The following SH3PXD2B variants were observed in gnomAD, a reference collection of about 807,000 sequenced individuals.
SH3PXD2B encodes the protein SH3 and PX domains 2B, also known as SH3 and PX domain-containing protein 2B.
SH3PXD2B carries 37 observed loss-of-function variants against 73.1 expected under a neutral mutation model. The observed-to-expected ratio is 0.51, with a 90% CI of 0.39 to 0.67. The LOEUF is 0.67. SH3PXD2B is among the 30% of genes least tolerant of loss of function. The probability of loss-of-function intolerance (pLI) is 0.00; values close to 1 mark genes in which losing one functional copy is unlikely to be tolerated. For missense variants in SH3PXD2B, 1,053 were observed against 1,197.8 expected (o/e 0.88, Z 1.78); for synonymous variants, 457 against 480.5 (o/e 0.95, Z 0.64).
intron 6 of SH3PXD2B, among the ~76,000 whole-genome samples, chr5:172,365,611 A>C (rs1375373967): frequency 6.4e-5 from 3 of 46,540 alleles, no homozygotes; most frequent in Non-Finnish European, 1.1e-4. Context: ...GGCAGGGCCG[A>C]CTTTTTCTAG....
At chr5:172,325,816 T>G (rs1201575205) in intron 12 of SH3PXD2B, among the ~76,000 whole-genome samples, 2 of 152,206 alleles carry the variant, frequency 1.3e-5, no homozygotes, top group Non-Finnish European at 2.9e-5. Context: ...CGTTTCGCTG[T>G]TGTTGCCCAG....
At chr5:172,362,269 C>T (rs1322537504) in intron 7 of SH3PXD2B, among the ~76,000 whole-genome samples, 1 of 152,200 alleles carries the variant, frequency 6.6e-6, no homozygotes, top group African/African-American at 2.4e-5. Context: ...GTGTCTCAGT[C>T]ATACCACATT....
At chr5:172,392,773 A>G (rs1429674544) in intron 4 of SH3PXD2B, among the ~76,000 whole-genome samples, 1 of 152,250 alleles carries the variant, frequency 6.6e-6, no homozygotes, top group Non-Finnish European at 1.5e-5. Flanking sequence ...CAACAGGGCG[A>G]GACTCCATCT....
chr5:172,410,273 A>G (rs1277745893), intron 2 of SH3PXD2B, among the ~76,000 whole-genome samples: 1 of 152,206 alleles, frequency 6.6e-6, no homozygotes. Flanking sequence ...TGTGTGTAAG[A>G]GTTCCCTTTT....
Position 172,335,072 on chromosome 5 carries a change from G to A in SH3PXD2B, c.*3297C>T, listed in dbSNP as rs1447616207. 26 of 985,374 alleles carry A rather than the reference G, an allele frequency of 2.6e-5. No individual in the cohort carries two copies. Among genetic ancestry groups the A allele is most frequent in the South Asian group, 4.7e-5 (1 of 21,288 alleles). The allele number at this position is 985,374 out of a possible 1,614,324, so 61.0% of individuals were successfully genotyped here. A position where few individuals can be genotyped will look rare whatever the true frequency, so the allele number is the denominator to read the frequency against. On this transcript the variant is annotated 3_prime_UTR_variant, in exon 13 of 13. Transcript: ENST00000311601. ...GCTGGGACGACATACACCCACCAAT[G>A]GCAAAGAAAGATTCCGAGCAGAACA...
intron 1 of SH3PXD2B, among the ~76,000 whole-genome samples, chr5:172,427,079 A>C (rs1759110973): frequency 6.6e-6 from 1 of 152,234 alleles, no homozygotes; most frequent in Non-Finnish European, 1.5e-5. Flanking sequence ...AAGAGGCCAA[A>C]GATGGAAACA....
Position 172,421,175 on chromosome 5 carries a change from C to T in SH3PXD2B, c.156+1241G>A, listed in dbSNP as rs1758956517. Among the ~76,000 whole-genome samples, 1 of 152,128 alleles carries T rather than the reference C, an allele frequency of 6.6e-6. No individual in the cohort carries two copies. On this transcript the variant is annotated intron_variant, in intron 2 of 12. Coordinates refer to ENST00000311601, the MANE Select transcript of SH3PXD2B (RefSeq NM_001017995.3). This position sits in a 1 kb window ranked among gnomAD's most constrained non-coding sequence, Gnocchi z 4.0. ...ACATGTTCAGAAAGCCGGGCAAGTT[C>T]CCAATGTCTCCCGAGGGTTTTCCAA...
intron 4 of SH3PXD2B, 88 bp downstream of exon 4, chr5:172,394,475 T>G: frequency 4.3e-6 from 6 of 1,393,472 alleles, no homozygotes; most frequent in Non-Finnish European, 6.0e-6. Flanking sequence ...TGCACAAATT[T>G]TTATTGTTGA....
chr5:172,360,877 C>T (rs929883127), intron 7 of SH3PXD2B, among the ~76,000 whole-genome samples: 2 of 152,122 alleles, frequency 1.3e-5, no homozygotes, highest in Non-Finnish European at 2.9e-5. Context: ...TCTTAGGGTC[C>T]AGCTGTTTCA....
At chr5:172,407,449 G>A (rs945653147) in intron 2 of SH3PXD2B, among the ~76,000 whole-genome samples, 2 of 152,228 alleles carry the variant, frequency 1.3e-5, no homozygotes, top group Admixed American at 1.3e-4. Context: ...AGACCCCAGT[G>A]ACCTCTGCTG....
chr5:172,433,057 C>T (rs1759291622), intron 1 of SH3PXD2B, among the ~76,000 whole-genome samples: 1 of 152,078 alleles, frequency 6.6e-6, no homozygotes, highest in African/African-American at 2.4e-5. Flanking sequence ...ACAGTGGTTC[C>T]GTAAGATTAT....
chr5:172,325,208 CA>C (rs111903822), exon 13 of SH3PXD2B: 1,941 of 1,140,056 alleles, frequency 1.7e-3, no homozygotes, highest in Admixed American at 3.2e-3. Flanking sequence ...TTTACCACGA[CA>C]AAAAAAAATA....
At chr5:172,383,066 T>C (rs899387966) in intron 4 of SH3PXD2B, among the ~76,000 whole-genome samples, 1 of 152,156 alleles carries the variant, frequency 6.6e-6, no homozygotes, top group Admixed American at 6.5e-5. Context: ...TATAACATCA[T>C]CTATACTGGA....
chr5:172,443,074 T>C (rs1371578605), intron 1 of SH3PXD2B, among the ~76,000 whole-genome samples: 2 of 152,246 alleles, frequency 1.3e-5, no homozygotes, highest in Non-Finnish European at 2.9e-5. Flanking sequence ...TACTGAATTA[T>C]AGTTATCAAA....
chr5:172,420,207 A>G (rs1758928124), intron 2 of SH3PXD2B, among the ~76,000 whole-genome samples: 1 of 152,174 alleles, frequency 6.6e-6, no homozygotes, highest in Non-Finnish European at 1.5e-5. Flanking sequence ...TGCTTTGTTT[A>G]TTTACATTCT....
intron 12 of SH3PXD2B, among the ~76,000 whole-genome samples, chr5:172,343,516 A>G (rs950808493): frequency 6.6e-6 from 1 of 152,296 alleles, no homozygotes; most frequent in East Asian, 1.9e-4. Context: ...ATGCAAGATC[A>G]GAAGCCGGGT....
intron 6 of SH3PXD2B, among the ~76,000 whole-genome samples, chr5:172,365,302 G>T (rs2113329165): frequency 6.6e-6 from 1 of 152,320 alleles, no homozygotes; most frequent in South Asian, 2.1e-4. Flanking sequence ...GCTGGGTACT[G>T]CCACCCCCAT....
Position 172,337,097 on chromosome 5 carries a change from G to GC in SH3PXD2B, c.*1271_*1272insG, listed in dbSNP as rs5873310. 525,659 of 984,978 alleles carry GC rather than the reference G, an allele frequency of 0.53. 141,514 individuals are homozygous for GC. The highest frequency in any genetic ancestry group is 0.76 in the South Asian group (16,178 of 21,268). 61.0% of individuals were successfully genotyped at this position (984,978 alleles called of 1,614,324 possible). A position where few individuals can be genotyped will look rare whatever the true frequency, so the allele number is the denominator to read the frequency against. On this transcript the variant is annotated 3_prime_UTR_variant, in exon 13 of 13. Transcript: ENST00000311601. ...TTCCCCAGGGGGCAACAGCTTAGAA[G>GC]AGGGAACAGGGCTCTGTGTCAACCA...
At chr5:172,349,701 A>G (rs75871409) in intron 10 of SH3PXD2B, among the ~76,000 whole-genome samples, 2,065 of 152,314 alleles carry the variant, frequency 0.014, 59 homozygotes, top group African/African-American at 0.047. Context: ...CAGAAAAAGT[A>G]GTAATTCCCT....
Sources: gnomAD v4.1 joint callset for allele counts (sites outside exome capture counted in the v4.1 genomes callset) on GRCh38, gnomAD v4.1.1 for gene constraint, Gnocchi (gnomAD v3.1) non-coding constraint, MANE v1.5 for transcripts, NCBI Gene and HGNC (gene_info 2026-07-23, HGNC 2026-07-21) for gene names.